The following MYH10 variants were observed in gnomAD, a reference collection of about 807,000 sequenced individuals.
MYH10 encodes the protein myosin-10.
A neutral mutation model predicts 257.8 loss-of-function variants in MYH10; 55 were observed. The ratio of observed to expected loss-of-function variants is 0.21; its 90% CI spans 0.17 to 0.27. MYH10 has a LOEUF of 0.27. Ranked by LOEUF, MYH10 falls within the 10% of genes least tolerant of loss-of-function variation. The probability of loss-of-function intolerance (pLI) is 1.00; values close to 1 mark genes in which losing one functional copy is unlikely to be tolerated. For missense variants in MYH10, 1,631 were observed against 2,500.6 expected, an observed-to-expected ratio of 0.65 and a Z score of 7.42; for synonymous variants, 854 against 921.7, an observed-to-expected ratio of 0.93 and a Z score of 1.33.
At chr17:8,584,722 C>T (rs1283750634) in intron 4 of MYH10, among the ~76,000 whole-genome samples, 2 of 152,116 alleles carry the variant, frequency 1.3e-5, no homozygotes, top group East Asian at 3.8e-4. Context: ...TTTAAAGGGG[C>T]TTGCATTCCT....
chr17:8,510,126 C>T (rs1462156191), intron 24 of MYH10, among the ~76,000 whole-genome samples, 177 bp from the exon 25 acceptor site: 2 of 151,594 alleles, frequency 1.3e-5, no homozygotes, highest in East Asian at 3.9e-4. Flanking sequence ...GCAACCTCCA[C>T]CTCCTGGGTT....
intron 19 of MYH10, among the ~76,000 whole-genome samples, chr17:8,519,777 A>G (rs532397980): frequency 4.6e-5 from 7 of 152,280 alleles, no homozygotes; most frequent in African/African-American, 1.7e-4. Context: ...TTCATGGAAC[A>G]GCAAATGGTG....
intron 37 of MYH10, among the ~76,000 whole-genome samples, chr17:8,481,877 A>G (rs1481381692): frequency 1.3e-5 from 2 of 152,204 alleles, no homozygotes; most frequent in Non-Finnish European, 2.9e-5. Flanking sequence ...CGCAACAAGG[A>G]TCAATGCTCC....
intron 26 of MYH10, among the ~76,000 whole-genome samples, chr17:8,507,662 C>T (rs2081115863): frequency 6.6e-6 from 1 of 152,204 alleles, no homozygotes; most frequent in Non-Finnish European, 1.5e-5. Context: ...TCTTTTACCA[C>T]AGTACCAAAG....
chr17:8,535,581 C>A lies in MYH10; in HGVS notation c.1780-80G>T. On this transcript the variant is annotated intron_variant, in intron 15 of 42. Coordinates refer to ENST00000360416, the MANE Select transcript of MYH10 (RefSeq NM_001256012.3). This position sits in a 1 kb window ranked among gnomAD's most constrained non-coding sequence, Gnocchi z 4.3. ...AAAACAAAAACACTTTAAGCCTCAACCAGAAACTTTTATACAACAGTCCCC... is the reference window on the plus strand; with the variant it reads ...AAAACAAAAACACTTTAAGCCTCAAACAGAAACTTTTATACAACAGTCCCC... 1 of 1,366,400 alleles carries A rather than the reference C, an allele frequency of 7.3e-7. No homozygotes were observed. Among genetic ancestry groups the A allele is most frequent in the Non-Finnish European group, 1.0e-6 (1 of 983,050 alleles). The allele number at this position is 1,366,400 out of a possible 1,614,324, so 84.6% of individuals were successfully genotyped here.
chr17:8,508,520 C>T, intron 26 of MYH10, 34 bp downstream of exon 26: 1 of 1,613,370 alleles, frequency 6.2e-7, no homozygotes, highest in Non-Finnish European at 8.5e-7. Flanking sequence ...CTCACATGTC[C>T]TAGTCCCTGA....
Position 8,506,207 on chromosome 17 carries a change from A to C in MYH10, c.3386+111T>G, listed in dbSNP as rs1197529197. 3.4e-5 allele frequency: 39 copies of C among 1,159,874 alleles called. No individual in the cohort carries two copies. The South Asian group carries it at 6.8e-4, about 20-fold the overall frequency. 71.8% of individuals were successfully genotyped at this position (1,159,874 alleles called of 1,614,324 possible). A position where few individuals can be genotyped will look rare whatever the true frequency, so the allele number is the denominator to read the frequency against. On this transcript the variant is annotated intron_variant, in intron 27 of 42. Coordinates refer to ENST00000360416, the MANE Select transcript of MYH10 (RefSeq NM_001256012.3). The surrounding 1 kb of genome is among the most constrained non-coding windows in gnomAD (Gnocchi z 5.0). ...CTTTCTCAGGTCACACCAAACAGCAAGCAAACCCCATCTCACTCTCCCAGG... is the reference window on the plus strand; with the variant it reads ...CTTTCTCAGGTCACACCAAACAGCACGCAAACCCCATCTCACTCTCCCAGG...
chr17:8,547,642 T>G (rs1246500250), intron 11 of MYH10, among the ~76,000 whole-genome samples: 7 of 151,272 alleles, frequency 4.6e-5, no homozygotes, highest in African/African-American at 1.7e-4. Flanking sequence ...ATAACTAACT[T>G]GTTAGAATAA....
chr17:8,603,672 C>CA (rs2084692929), intron 3 of MYH10, among the ~76,000 whole-genome samples: 1 of 151,984 alleles, frequency 6.6e-6, no homozygotes, highest in South Asian at 2.1e-4. Flanking sequence ...GAGACAGAAC[C>CA]AAAAACAAAA....
intron 3 of MYH10, among the ~76,000 whole-genome samples, chr17:8,594,745 A>C (rs447232): frequency 6.6e-6 from 1 of 152,170 alleles, no homozygotes; most frequent in Non-Finnish European, 1.5e-5. Flanking sequence ...AGTATCTGCA[A>C]ATACCCTACA....
Position 8,514,803 on chromosome 17 carries a change from G to A in MYH10, c.2505-909C>T, listed in dbSNP as rs141943432. 5.2e-3 allele frequency among the ~76,000 whole-genome samples: 795 copies of A among 152,202 alleles called. 4 individuals carry two copies. Among genetic ancestry groups the A allele is most frequent in the South Asian group, 0.015 (72 of 4,820 alleles). On this transcript the variant is annotated intron_variant, in intron 21 of 42. Transcript: ENST00000360416. Reference sequence around the variant, plus strand: ...CGGCTTTCTATCCCACCACGCTACCGAAGCTGCATTTTAGATCTTGACAAA... The same window carrying A: ...CGGCTTTCTATCCCACCACGCTACCAAAGCTGCATTTTAGATCTTGACAAA...
At chr17:8,620,478 T>TG (rs56006804) in intron 2 of MYH10, among the ~76,000 whole-genome samples, 53,961 of 151,908 alleles carry the variant, frequency 0.36, 11,527 homozygotes, top group African/African-American at 0.61. Context: ...CCTGAGAAAT[T>TG]GGGGGTCAGA....
At chr17:8,526,406 G>A (rs1003023646) in intron 17 of MYH10, among the ~76,000 whole-genome samples, 2 of 152,164 alleles carry the variant, frequency 1.3e-5, no homozygotes, top group Admixed American at 6.5e-5. Context: ...CAGTTTCAGG[G>A]TAAAGATTAG....
At chr17:8,572,681 G>A (rs866133220) in intron 6 of MYH10, among the ~76,000 whole-genome samples, 1 of 152,080 alleles carries the variant, frequency 6.6e-6, no homozygotes, top group Non-Finnish European at 1.5e-5. Context: ...GGTCCTCAGA[G>A]TCACCATGGT....
At chr17:8,572,290 T>C in intron 6 of MYH10, among the ~76,000 whole-genome samples, 1 of 144,738 alleles carries the variant, frequency 6.9e-6, no homozygotes, top group Non-Finnish European at 1.5e-5. Flanking sequence ...GAGAGAGAGA[T>C]CCACTGATTC....
chr17:8,592,780 T>C (rs1387784987), intron 3 of MYH10, among the ~76,000 whole-genome samples: 2 of 101,146 alleles, frequency 2.0e-5, no homozygotes, highest in African/African-American at 7.0e-5. Context: ...TCTCAATCCA[T>C]TCTAAGAGAC....
chr17:8,537,839 C>G (rs1311501747), intron 14 of MYH10, among the ~76,000 whole-genome samples: 1 of 152,160 alleles, frequency 6.6e-6, no homozygotes, highest in Non-Finnish European at 1.5e-5. Flanking sequence ...GTCAAGATCT[C>G]TATTATCATT....
intron 2 of MYH10, among the ~76,000 whole-genome samples, chr17:8,617,396 C>T (rs1168006415): frequency 1.3e-5 from 2 of 152,152 alleles, no homozygotes; most frequent in Admixed American, 1.3e-4. Flanking sequence ...TTCAAGGGCT[C>T]TCAGTCATCA....
intron 1 of MYH10, among the ~76,000 whole-genome samples, 177 bp downstream of exon 1, chr17:8,630,477 G>A (rs2085874914): frequency 6.6e-6 from 1 of 152,002 alleles, no homozygotes; most frequent in East Asian, 1.9e-4. Context: ...TAAGGTCCCC[G>A]CAGCACAAAC....
Sources: allele counts gnomAD v4.1 joint callset (sites outside exome capture counted in the v4.1 genomes callset), GRCh38; gene constraint gnomAD v4.1.1; non-coding constraint Gnocchi (gnomAD v3.1); transcripts MANE v1.5; gene names NCBI Gene and HGNC (gene_info 2026-07-23, HGNC 2026-07-21).